The following CEP63 variants were observed in gnomAD, a reference collection of about 807,000 sequenced individuals.
CEP63 encodes centrosomal protein of 63 kDa.
CEP63 carries 84 observed loss-of-function variants against 89.1 expected under a neutral mutation model. The observed-to-expected ratio is 0.94, with a 90% CI of 0.79 to 1.13. The LOEUF is 1.13. Among genes scored for constraint, CEP63 ranks in the 50% most tolerant of loss-of-function variants. The pLI is 0.00. For missense variants in CEP63, 838 were observed against 813.3 expected (o/e 1.03, Z -0.37); for synonymous variants, 267 against 272.5 (o/e 0.98, Z 0.20).
chr3:134,520,470 G>T (rs1309845118), intron 3 of CEP63, among the ~76,000 whole-genome samples: 1 of 151,988 alleles, frequency 6.6e-6, no homozygotes, highest in South Asian at 2.1e-4. Flanking sequence ...TATTTTAAAG[G>T]TATTGGTTTC....
the CEP63 span, among the ~76,000 whole-genome samples, chr3:134,726,134 G>A: frequency 2.6e-5 from 4 of 152,068 alleles, no homozygotes; most frequent in Admixed American, 6.5e-5. Flanking sequence ...AGATTATTTC[G>A]GGAGTGCATC....
chr3:134,752,451 T>C, the CEP63 span, among the ~76,000 whole-genome samples: 1 of 152,144 alleles, frequency 6.6e-6, no homozygotes, highest in Non-Finnish European at 1.5e-5. Context: ...GCTGGGCATG[T>C]TCCAGCCTCA....
intron 10 of CEP63, among the ~76,000 whole-genome samples, chr3:134,584,956 G>GTTTTTTTTTTTGTTTTTT (rs1553799204): frequency 2.5e-4 from 9 of 36,052 alleles, no homozygotes; most frequent in African/African-American, 5.9e-4. Flanking sequence ...ATTTTCTAGG[G>GTTTTTTTTTTTGTTTTTT]TTTTTTTTTT....
intron 3 of CEP63, among the ~76,000 whole-genome samples, chr3:134,526,177 C>T (rs1948606697): frequency 6.6e-6 from 1 of 152,054 alleles, no homozygotes; most frequent in Non-Finnish European, 1.5e-5. Flanking sequence ...TTTCAGAGAG[C>T]CAGTCTTCAA....
rs999294983 is a variant in CEP63, at chr3:134,486,201, A to T, written c.-27A>T. 1 of 985,426 alleles carries T rather than the reference A, an allele frequency of 1.0e-6. No homozygotes were observed. The highest frequency in any genetic ancestry group is 1.7e-5 in the African/African-American group (1 of 57,246). The allele number at this position is 985,426 out of a possible 1,614,324, so 61.0% of individuals were successfully genotyped here. ...GGCGCGCGTGCGCAGCGCCGGCCCG[A>T]GGTAACGGCGGGAAGGCTCAGGGGC... On this transcript the variant is annotated splice_region_variant and 5_prime_UTR_variant, in exon 1 of 15. Transcript: ENST00000675561.
chr3:134,538,407 T>G (rs1334540434), intron 6 of CEP63, among the ~76,000 whole-genome samples: 1 of 150,354 alleles, frequency 6.7e-6, no homozygotes, highest in African/African-American at 2.4e-5. Flanking sequence ...AGGAAGAAAT[T>G]TATTTTCTAG....
At chr3:134,689,855 A>G in the CEP63 span, among the ~76,000 whole-genome samples, 5 of 152,252 alleles carry the variant, frequency 3.3e-5, no homozygotes, top group Non-Finnish European at 1.5e-5. Flanking sequence ...ATCCAAAATC[A>G]TGTGTAATTA....
intron 1 of CEP63, among the ~76,000 whole-genome samples, chr3:134,492,070 C>CTTTTTTTTTTTTTTTTT (rs74269453): frequency 2.9e-5 from 3 of 103,682 alleles, no homozygotes; most frequent in African/African-American, 1.1e-4. Context: ...TATTTGTATT[C>CTTTTTTTTTTTTTTTTT]TTTTTTTTTT....
In CEP63 at chr3:134,548,419, C is replaced by T. The variant is rs552448310; in HGVS notation, c.1068-643C>T. 6.2e-4 allele frequency among the ~76,000 whole-genome samples: 94 copies of T among 152,230 alleles called. No individual in the cohort carries two copies. The Middle Eastern group carries it at 0.014, about 22-fold the overall frequency. ...AATCCTGACTAATGCTATACCATACCCACCTAAACACTTGTCATTGTCGTA... is the reference window on the plus strand; with the variant it reads ...AATCCTGACTAATGCTATACCATACTCACCTAAACACTTGTCATTGTCGTA... On this transcript the variant is annotated intron_variant, in intron 9 of 14. Transcript: ENST00000675561.
intron 3 of CEP63, among the ~76,000 whole-genome samples, chr3:134,519,912 A>G (rs1032836138): frequency 6.6e-6 from 1 of 152,216 alleles, no homozygotes; most frequent in Non-Finnish European, 1.5e-5. Flanking sequence ...TTAGAAAATT[A>G]GAAATGTTAA....
chr3:134,675,526 A>T, the CEP63 span, among the ~76,000 whole-genome samples: 1 of 152,224 alleles, frequency 6.6e-6, no homozygotes, highest in African/African-American at 2.4e-5. Flanking sequence ...TAAAAAATAA[A>T]TGAATTGGAC....
the CEP63 span, chr3:134,608,908 G>T: frequency 4.6e-6 from 7 of 1,527,646 alleles, no homozygotes; most frequent in African/African-American, 9.6e-5. Flanking sequence ...TACACCCACC[G>T]GAGTGGTCCT....
the CEP63 span, among the ~76,000 whole-genome samples, chr3:134,645,172 G>A: frequency 6.6e-6 from 1 of 152,222 alleles, no homozygotes; most frequent in Non-Finnish European, 1.5e-5. Context: ...ACCAAGGAAA[G>A]TAGCCAATCA....
At chr3:134,593,967 G>T in the CEP63 span, among the ~76,000 whole-genome samples, 3 of 152,100 alleles carry the variant, frequency 2.0e-5, no homozygotes, top group African/African-American at 4.8e-5. Flanking sequence ...CCCTAGGGTG[G>T]GGCTATCCCA....
chr3:134,496,941 A>G (rs1387269158), intron 2 of CEP63, among the ~76,000 whole-genome samples: 2 of 152,036 alleles, frequency 1.3e-5, no homozygotes, highest in Non-Finnish European at 2.9e-5. Flanking sequence ...AGCATTTGTT[A>G]TATTTTGTCT....
At chr3:134,717,894 TG>T in the CEP63 span, among the ~76,000 whole-genome samples, 1 of 152,192 alleles carries the variant, frequency 6.6e-6, no homozygotes, top group Admixed American at 6.5e-5. Flanking sequence ...TCTTTGGTGA[TG>T]GGAGCCCACT....
the CEP63 span, among the ~76,000 whole-genome samples, chr3:134,696,930 A>T: frequency 6.6e-6 from 1 of 152,206 alleles, no homozygotes; most frequent in Non-Finnish European, 1.5e-5. Flanking sequence ...TATTTATGTG[A>T]TCATTTCCTT....
intron 3 of CEP63, among the ~76,000 whole-genome samples, chr3:134,516,175 G>T (rs1303343031): frequency 6.6e-6 from 1 of 152,136 alleles, no homozygotes; most frequent in Non-Finnish European, 1.5e-5. Context: ...TGGAGAGAAG[G>T]TCAGCAGACA....
At chr3:134,540,735 T>A (rs575829486) in intron 6 of CEP63, among the ~76,000 whole-genome samples, 24 of 152,126 alleles carry the variant, frequency 1.6e-4, no homozygotes, top group African/African-American at 5.8e-4. Context: ...CATAAATTAT[T>A]TGTGTCCTTT....
Sources: allele counts gnomAD v4.1 joint callset (sites outside exome capture counted in the v4.1 genomes callset), GRCh38; gene constraint gnomAD v4.1.1; transcripts MANE v1.5; gene names NCBI Gene and HGNC (gene_info 2026-07-23, HGNC 2026-07-21).